Variants in DHRS9 observed in about 807,000 individuals in gnomAD.
DHRS9 encodes the protein dehydrogenase/reductase SDR family member 9.
A neutral mutation model predicts 26.6 loss-of-function variants in DHRS9; 18 were observed. The observed-to-expected ratio is 0.68, with a 90% confidence interval of 0.47 to 1.00. The LOEUF is 1.00. DHRS9 is among the 50% of genes least tolerant of loss of function. DHRS9 has a pLI of 0.00. For missense variants in DHRS9, 425 were observed against 378.7 expected (o/e 1.12, Z -1.01); for synonymous variants, 134 against 141.1 (o/e 0.95, Z 0.36).
rs1295957073 is a variant in DHRS9, at chr2:169,091,889, C to T, written c.672C>T (p.Leu224=). Residue 224 remains leucine (L), a synonymous_variant, in exon 4 of 5, where the codon CTC becomes CTT. Coordinates refer to ENST00000674881, the MANE Select transcript of DHRS9 (RefSeq NM_001376924.1). ...ADPVKVIEKK[L]AIWEQLSPDI... is the part of the protein sequence containing the mutation. ...CAGTAAAGGTAATTGAAAAAAAACT[C>T]GCCATTTGGGAGCAGCTGTCTCCAG... The T allele has an allele frequency of 9.3e-6, 15 of 1,613,872 alleles. No individual in the cohort carries two copies. The highest frequency in any genetic ancestry group is 4.5e-5 in the East Asian group (2 of 44,868).
intron 4 of DHRS9, among the ~76,000 whole-genome samples, chr2:169,093,584 G>A (rs911422152): frequency 1.3e-5 from 2 of 152,094 alleles, no homozygotes; most frequent in African/African-American, 4.8e-5. Flanking sequence ...GTTTGATATT[G>A]ATACCGATAC....
chr2:169,072,742 A>G (rs1683844950), intron 1 of DHRS9: 1 of 800,070 alleles, frequency 1.2e-6, no homozygotes, highest in South Asian at 5.7e-5. Flanking sequence ...TCTTTGTGAT[A>G]TGGTAGAGAA....
intron 3 of DHRS9, among the ~76,000 whole-genome samples, chr2:169,085,371 G>T (rs1372842645): frequency 6.6e-6 from 1 of 152,102 alleles, no homozygotes; most frequent in African/African-American, 2.4e-5. Flanking sequence ...TGTAAAGAAT[G>T]TCATTGGTAT....
At chr2:169,081,239 C>A in intron 1 of DHRS9, 1 of 916,898 alleles carries the variant, frequency 1.1e-6, no homozygotes, top group Non-Finnish European at 1.4e-6. Context: ...CTCCAGCTGG[C>A]CGTGGCAACT....
intron 1 of DHRS9, among the ~76,000 whole-genome samples, chr2:169,071,948 C>G (rs965383259): frequency 6.7e-6 from 1 of 149,072 alleles, no homozygotes; most frequent in Non-Finnish European, 1.5e-5. Context: ...TAGTTTATGT[C>G]AATAGGTTCC....
Position 169,083,364 on chromosome 2 carries a change from G to A in DHRS9, c.349G>A (p.Gly117Ser), listed in dbSNP as rs139703228. 251 of 1,613,908 alleles carry A rather than the reference G, an allele frequency of 1.6e-4. No homozygotes were observed. The highest frequency in any genetic ancestry group is 5.2e-4 in the Admixed American group (31 of 59,980). Residue 117 changes from glycine to serine, a missense_variant, in exon 3 of 5, where the codon GGC becomes AGC. Coordinates refer to ENST00000674881, the MANE Select transcript of DHRS9 (RefSeq NM_001376924.1). ...WGLINNAGVPGVLAPTDWLTL... is the reference protein window; with the variant it reads ...WGLINNAGVPSVLAPTDWLTL... ...TCTGATCAATAATGCTGGTGTTCCC[G>A]GCGTGCTGGCTCCCACTGACTGGCT...
chr2:169,087,851 C>T (rs755413868), intron 3 of DHRS9, among the ~76,000 whole-genome samples: 1 of 152,164 alleles, frequency 6.6e-6, no homozygotes, highest in Non-Finnish European at 1.5e-5. Context: ...TGTGGCTAAG[C>T]TGTTATCCAA....
At chr2:169,078,392 G>A (rs193136411) in intron 1 of DHRS9, among the ~76,000 whole-genome samples, 90 of 152,212 alleles carry the variant, frequency 5.9e-4, no homozygotes, top group African/African-American at 2.0e-3. Context: ...ATTCCCCTGG[G>A]AGTTTAGACT....
At chr2:169,079,979 G>GAAAGAA (rs1558951539) in intron 1 of DHRS9, among the ~76,000 whole-genome samples, 1 of 58,170 alleles carries the variant, frequency 1.7e-5, no homozygotes, top group Non-Finnish European at 3.5e-5. Flanking sequence ...GAGAGAGAGA[G>GAAAGAA]AGAGAGAAAG....
chr2:169,070,143 G>T, intron 1 of DHRS9: 1 of 985,392 alleles, frequency 1.0e-6, no homozygotes, highest in Non-Finnish European at 1.2e-6. Flanking sequence ...TGATCTGTTT[G>T]TCTGTCCGCT....
intron 4 of DHRS9, among the ~76,000 whole-genome samples, chr2:169,093,774 G>A (rs1331322606): frequency 3.3e-5 from 5 of 152,172 alleles, no homozygotes; most frequent in African/African-American, 7.2e-5. Flanking sequence ...CGGTCCCAAA[G>A]TAGACCACAA....
intron 1 of DHRS9, chr2:169,070,950 G>C (rs1316242438): frequency 6.2e-6 from 1 of 162,162 alleles, no homozygotes; most frequent in Non-Finnish European, 1.3e-5. Flanking sequence ...TGTAGTCCCA[G>C]CTACTTGGGA....
intron 3 of DHRS9, among the ~76,000 whole-genome samples, chr2:169,087,791 G>A (rs923021195): frequency 6.6e-6 from 1 of 152,130 alleles, no homozygotes; most frequent in Non-Finnish European, 1.5e-5. Context: ...TGTCCAGGAG[G>A]TAGGGCCTGG....
At chr2:169,090,102 A>G (rs1028155589) in intron 3 of DHRS9, among the ~76,000 whole-genome samples, 1 of 152,230 alleles carries the variant, frequency 6.6e-6, no homozygotes, top group African/African-American at 2.4e-5. Context: ...TCTTAAATGA[A>G]TCATGGAACT....
At chr2:169,076,138 A>T (rs554153974) in intron 1 of DHRS9, among the ~76,000 whole-genome samples, 4,992 of 152,184 alleles carry the variant, frequency 0.033, 215 homozygotes, top group East Asian at 0.13. Context: ...CTAAGGAAAA[A>T]TTTCCATTTA....
chr2:169,072,479 T>C (rs1683836992), intron 1 of DHRS9: 1 of 414,456 alleles, frequency 2.4e-6, no homozygotes, highest in Admixed American at 6.4e-5. Context: ...ATATTTTCTG[T>C]TCTTTTTTTT....
intron 3 of DHRS9, among the ~76,000 whole-genome samples, chr2:169,084,348 A>G (rs186390682): frequency 1.5e-4 from 23 of 152,258 alleles, no homozygotes; most frequent in African/African-American, 5.5e-4. Flanking sequence ...TCTTTTGGGT[A>G]TATACCCAGC....
At chr2:169,083,876 C>A (rs1684271897) in intron 3 of DHRS9, among the ~76,000 whole-genome samples, 1 of 152,104 alleles carries the variant, frequency 6.6e-6, no homozygotes, top group Admixed American at 6.5e-5. Context: ...ATTTTTAAAT[C>A]TGTGATAAAT....
intron 3 of DHRS9, among the ~76,000 whole-genome samples, chr2:169,085,196 G>A (rs1406056386): frequency 6.6e-6 from 1 of 152,000 alleles, no homozygotes; most frequent in Non-Finnish European, 1.5e-5. Flanking sequence ...TGGTCTATGT[G>A]TCCATTTTTA....
Sources: allele counts gnomAD v4.1 joint callset (sites outside exome capture counted in the v4.1 genomes callset), GRCh38; gene constraint gnomAD v4.1.1; transcripts MANE v1.5; gene names NCBI Gene and HGNC (gene_info 2026-07-23, HGNC 2026-07-21).